The following COPG2 variants were observed in gnomAD, a reference collection of about 807,000 sequenced individuals.
COPG2 encodes coat protein complex I subunit gamma 2.
In COPG2, 37 loss-of-function variants were observed where a neutral mutation model predicts 46.3. The ratio of observed to expected loss-of-function variants is 0.80; its 90% CI spans 0.61 to 1.05. The LOEUF is 1.05. COPG2 is among the 50% of genes least tolerant of loss of function. The pLI is 0.00. For missense variants in COPG2, 427 were observed against 387.8 expected, an observed-to-expected ratio of 1.10 and a Z score of -0.85; for synonymous variants, 159 against 129.7, an observed-to-expected ratio of 1.23 and a Z score of -1.53.
At chr7:130,629,876 T>C (rs1795194598) in intron 5 of COPG2, among the ~76,000 whole-genome samples, 1 of 152,132 alleles carries the variant, frequency 6.6e-6, no homozygotes, top group African/African-American at 2.4e-5. Context: ...TCTTCATCTC[T>C]GCTACTGTTT....
In COPG2 at chr7:130,513,304, AAAAAATAT is replaced by A. The variant is rs1215032801; in HGVS notation, c.2150-4653_2150-4646del. On this transcript the variant is annotated intron_variant, in intron 20 of 23. Transcript: ENST00000425248. The stretch of plus-strand genomic sequence containing the variant: ...ATAATTCTGTCTAAAAAAAAAAAAA[AAAAAATAT>A]ATATATATATATATATATATATATA... Among the ~76,000 whole-genome samples the A allele has an allele frequency of 4.1e-4, 20 of 48,470 alleles. 1 individual carries two copies. The highest frequency in any genetic ancestry group is 1.4e-3 in the African/African-American group (18 of 12,892). The allele number at this position is 48,470 out of a possible 152,430, so 31.8% of individuals were successfully genotyped here. A position where few individuals can be genotyped will look rare whatever the true frequency, so the allele number is the denominator to read the frequency against.
intron 9 of COPG2, among the ~76,000 whole-genome samples, chr7:130,568,164 A>G (rs1793834845): frequency 6.6e-6 from 1 of 152,008 alleles, no homozygotes; most frequent in African/African-American, 2.4e-5. Context: ...AGTCCCAGCT[A>G]CTCGGGAGGC....
intron 4 of COPG2, among the ~76,000 whole-genome samples, chr7:130,659,843 C>T (rs1795940002): frequency 6.6e-6 from 1 of 152,032 alleles, no homozygotes; most frequent in Non-Finnish European, 1.5e-5. Context: ...ACCCGGGAGG[C>T]GGAGGCTGCA....
intron 6 of COPG2, among the ~76,000 whole-genome samples, chr7:130,615,083 C>T (rs1794925363): frequency 6.6e-6 from 1 of 152,206 alleles, no homozygotes; most frequent in African/African-American, 2.4e-5. Context: ...AAAAGGATGG[C>T]TCCAAGTTGG....
intron 20 of COPG2, among the ~76,000 whole-genome samples, chr7:130,522,575 T>C (rs1381820165): frequency 6.6e-6 from 1 of 150,612 alleles, no homozygotes; most frequent in Non-Finnish European, 1.5e-5. Flanking sequence ...TTTTCAAGAG[T>C]CGGAGGGCGA....
At chr7:130,582,004 G>C (rs542528669) in intron 9 of COPG2, among the ~76,000 whole-genome samples, 1 of 152,086 alleles carries the variant, frequency 6.6e-6, no homozygotes, top group Non-Finnish European at 1.5e-5. Flanking sequence ...CTACTTTAAA[G>C]TTCATATGGA....
intron 9 of COPG2, chr7:130,602,878 G>A (rs1794663532): frequency 6.6e-6 from 1 of 152,068 alleles, no homozygotes; most frequent in Admixed American, 6.6e-5. Context: ...AAGATCAGAT[G>A]AGACCTGGCT....
intron 5 of COPG2, among the ~76,000 whole-genome samples, chr7:130,621,429 C>T (rs1293854555): frequency 6.6e-6 from 1 of 152,222 alleles, no homozygotes; most frequent in African/African-American, 2.4e-5. Context: ...GTTATATGAT[C>T]TCCTCACAAC....
chr7:130,647,647 ATATTGG>A (rs1795641791), intron 5 of COPG2, among the ~76,000 whole-genome samples: 1 of 151,164 alleles, frequency 6.6e-6, no homozygotes, highest in Non-Finnish European at 1.5e-5. Flanking sequence ...CAAATGTTCG[ATATTGG>A]AATAGGCTTT....
chr7:130,626,203 A>G (rs13246634), intron 5 of COPG2, among the ~76,000 whole-genome samples: 64,332 of 151,822 alleles, frequency 0.42, 16,542 homozygotes, highest in East Asian at 0.59. Context: ...ATAGATTCTG[A>G]TATGTAGTTA....
chr7:130,511,116 G>C (rs1362797821), intron 20 of COPG2, among the ~76,000 whole-genome samples: 1 of 152,194 alleles, frequency 6.6e-6, no homozygotes, highest in Non-Finnish European at 1.5e-5. Flanking sequence ...GGACATGTGA[G>C]TTGGGCCAGG....
intron 9 of COPG2, among the ~76,000 whole-genome samples, chr7:130,598,404 A>G (rs1794570330): frequency 6.6e-6 from 1 of 152,210 alleles, no homozygotes; most frequent in Non-Finnish European, 1.5e-5. Context: ...TAAGAATACC[A>G]TTCAAGTCCT....
intron 5 of COPG2, among the ~76,000 whole-genome samples, chr7:130,637,966 C>T (rs1179323043): frequency 6.6e-6 from 1 of 152,184 alleles, no homozygotes; most frequent in Admixed American, 6.5e-5. Flanking sequence ...AGTTTTCCTT[C>T]TAACAGTCAG....
intron 5 of COPG2, among the ~76,000 whole-genome samples, chr7:130,643,841 C>A (rs1795540183): frequency 6.6e-6 from 1 of 152,232 alleles, no homozygotes; most frequent in South Asian, 2.1e-4. Context: ...CGGTGATACA[C>A]ACCTGTAGTC....
At chr7:130,526,339 A>G (rs924479596) in intron 20 of COPG2, among the ~76,000 whole-genome samples, 11 of 152,170 alleles carry the variant, frequency 7.2e-5, no homozygotes, top group African/African-American at 2.7e-4. Flanking sequence ...AGAAGAGATG[A>G]CTGAGCCCGA....
chr7:130,538,515 C>G (rs946278492), intron 20 of COPG2, among the ~76,000 whole-genome samples: 6 of 151,884 alleles, frequency 4.0e-5, no homozygotes, highest in Non-Finnish European at 5.9e-5. Context: ...CATAGGATTA[C>G]GGTAGGGAGG....
At chr7:130,658,315 T>C (rs1795896894) in intron 4 of COPG2, among the ~76,000 whole-genome samples, 1 of 152,192 alleles carries the variant, frequency 6.6e-6, no homozygotes, top group South Asian at 2.1e-4. Flanking sequence ...ATGATATCAT[T>C]CATATGACTT....
At chr7:130,591,071 C>T (rs587668108) in intron 9 of COPG2, among the ~76,000 whole-genome samples, 64 of 149,136 alleles carry the variant, frequency 4.3e-4, no homozygotes, top group South Asian at 2.6e-3. Context: ...CCCGGCCAGC[C>T]GCCCCGTCCA....
At chr7:130,644,097 G>A (rs1161957284) in intron 5 of COPG2, among the ~76,000 whole-genome samples, 1 of 152,142 alleles carries the variant, frequency 6.6e-6, no homozygotes, top group Admixed American at 6.5e-5. Flanking sequence ...ATTAATTAGA[G>A]AATGAATCCC....
Sources: allele counts gnomAD v4.1 joint callset (sites outside exome capture counted in the v4.1 genomes callset), GRCh38; gene constraint gnomAD v4.1.1; transcripts MANE v1.5; gene names NCBI Gene and HGNC (gene_info 2026-07-23, HGNC 2026-07-21).